Variants in TMCO5A observed in about 807,000 individuals in gnomAD.
The protein encoded by TMCO5A is transmembrane and coiled-coil domain-containing protein 5A.
Under a neutral mutation model 42.3 loss-of-function variants are expected in TMCO5A, and 34 were observed. The ratio of observed to expected loss-of-function variants is 0.80; its 90% CI spans 0.61 to 1.07. TMCO5A has a LOEUF of 1.07. Ranked by LOEUF, TMCO5A falls within the 50% of genes least tolerant of loss-of-function variation. TMCO5A has a pLI of 0.00. For missense variants in TMCO5A, 357 were observed against 327.9 expected (o/e 1.09, Z -0.69); for synonymous variants, 131 against 115.6 (o/e 1.13, Z -0.86).
the TMCO5A span, among the ~76,000 whole-genome samples, chr15:37,973,332 G>T: frequency 6.6e-6 from 1 of 151,986 alleles, no homozygotes; most frequent in Admixed American, 6.6e-5. Context: ...TGTGAAGAAT[G>T]CCATTGACAG....
At chr15:37,968,469 C>G (rs953558627), downstream of TMCO5A, among the ~76,000 whole-genome samples, 2 of 152,072 alleles carry the variant, frequency 1.3e-5, no homozygotes, top group Non-Finnish European at 2.9e-5. Flanking sequence ...AGAAGAGAAA[C>G]AGTTCACTAA....
At chr15:37,971,390 C>G (rs1418015637), downstream of TMCO5A, among the ~76,000 whole-genome samples, 1 of 152,154 alleles carries the variant, frequency 6.6e-6, no homozygotes, top group East Asian at 1.9e-4. Context: ...CTGGGCCCAG[C>G]CCACAAAGCA....
chr15:37,995,941 G>C, the TMCO5A span, among the ~76,000 whole-genome samples: 2 of 151,942 alleles, frequency 1.3e-5, no homozygotes, highest in Admixed American at 6.6e-5. Context: ...CTTGCAAGAA[G>C]AATGAAAACA....
the TMCO5A span, among the ~76,000 whole-genome samples, chr15:38,028,515 T>A: frequency 6.6e-6 from 1 of 152,206 alleles, no homozygotes; most frequent in African/African-American, 2.4e-5. Context: ...CATTCAATCA[T>A]TCTCAGCAAA....
chr15:38,030,305 CAAG>C, the TMCO5A span, among the ~76,000 whole-genome samples: 1 of 152,172 alleles, frequency 6.6e-6, no homozygotes, highest in Admixed American at 6.6e-5. Flanking sequence ...ATCCAGAACT[CAAG>C]AAGATTAAGC....
At chr15:38,002,207 G>GTT in the TMCO5A span, among the ~76,000 whole-genome samples, 1 of 141,268 alleles carries the variant, frequency 7.1e-6, no homozygotes, top group African/African-American at 3.0e-5. Flanking sequence ...TAGGATAAAA[G>GTT]GTTTTTTTTT....
At chr15:37,938,750 G>A (rs187716570) in intron 6 of TMCO5A, among the ~76,000 whole-genome samples, 70 of 152,078 alleles carry the variant, frequency 4.6e-4, no homozygotes, top group African/African-American at 1.6e-3. Context: ...ACCCTGTCCT[G>A]GATTCCAATC....
At chr15:38,028,410 A>T in the TMCO5A span, among the ~76,000 whole-genome samples, 44 of 152,346 alleles carry the variant, frequency 2.9e-4, no homozygotes, top group African/African-American at 1.0e-3. Context: ...TACTAGCTCC[A>T]CATTAATTCA....
Position 37,938,189 on chromosome 15 carries a change from G to A in TMCO5A, c.347G>A (p.Cys116Tyr), listed in dbSNP as rs1432927054. ...AGGAAATCACAAAAGATAACCAATTGTGAACAAAGCAGTCCAGATGGAGCC... is the reference window on the plus strand; with the variant it reads ...AGGAAATCACAAAAGATAACCAATTATGAACAAAGCAGTCCAGATGGAGCC... ...LTRKSQKITNCEQSSPDGALE... is the reference protein window; with the variant it reads ...LTRKSQKITNYEQSSPDGALE... Residue 116 changes from cysteine to tyrosine, a missense_variant, in exon 6 of 12, where the codon TGT becomes TAT. Physicochemically the swap from Cys to Tyr is radical, Grantham distance 194. Transcript: ENST00000319669. 1.3e-6 allele frequency: 2 copies of A among 1,582,762 alleles called. No individual in the cohort carries two copies. Among genetic ancestry groups the A allele is most frequent in the Non-Finnish European group, 1.7e-6 (2 of 1,163,190 alleles).
chr15:37,936,178 T>A (rs890231418), intron 2 of TMCO5A, 136 bp from the exon 3 acceptor site: 21 of 999,982 alleles, frequency 2.1e-5, no homozygotes, highest in Non-Finnish European at 2.2e-5. Flanking sequence ...AATGTAATTT[T>A]TCAAGAATGA....
chr15:37,937,903 C>A (rs952974282), intron 5 of TMCO5A, among the ~76,000 whole-genome samples: 5 of 152,052 alleles, frequency 3.3e-5, no homozygotes, highest in Admixed American at 6.6e-5. Flanking sequence ...GGGGCTGTAT[C>A]CTTGAGTAAC....
the TMCO5A span, among the ~76,000 whole-genome samples, chr15:37,989,684 C>A: frequency 6.6e-6 from 1 of 152,136 alleles, no homozygotes; most frequent in South Asian, 2.1e-4. Context: ...GCTGCTATAA[C>A]AGAATACCAC....
At chr15:37,937,665 A>T (rs1889568984) in intron 5 of TMCO5A, among the ~76,000 whole-genome samples, 4 of 152,164 alleles carry the variant, frequency 2.6e-5, no homozygotes, top group Admixed American at 2.6e-4. Flanking sequence ...ATGGATTCCA[A>T]CAGATACTCT....
chr15:37,959,642 C>A lies in TMCO5A; in HGVS notation c.669-6983C>A, dbSNP rs1370977338. Among the ~76,000 whole-genome samples, 3 of 152,000 alleles carry A rather than the reference C, an allele frequency of 2.0e-5. No individual in the cohort carries two copies. In the East Asian group the frequency reaches 5.8e-4, roughly 29 times the overall value. ...CAATTGATATAATTCAACAATGCTT[C>A]ATGATAAAAGCCCTCAAAGAACTGG... On this transcript the variant is annotated intron_variant, in intron 11 of 11. Transcript: ENST00000559502.
At chr15:37,936,771 A>G in intron 3 of TMCO5A, 76 bp from the exon 4 acceptor site, 4 of 1,583,904 alleles carry the variant, frequency 2.5e-6, no homozygotes, top group Non-Finnish European at 2.6e-6. Flanking sequence ...AAGTTCCCTT[A>G]TATCTGAAAT....
At chr15:38,001,804 C>G in the TMCO5A span, among the ~76,000 whole-genome samples, 2 of 152,040 alleles carry the variant, frequency 1.3e-5, no homozygotes, top group Non-Finnish European at 1.5e-5. Flanking sequence ...AATACAAACT[C>G]TACACTTTAA....
the TMCO5A span, among the ~76,000 whole-genome samples, chr15:38,002,793 A>G: frequency 6.6e-6 from 1 of 152,052 alleles, no homozygotes; most frequent in African/African-American, 2.4e-5. Flanking sequence ...GACTCCTCAA[A>G]ACAGCTATTT....
At chr15:38,014,021 T>C in the TMCO5A span, among the ~76,000 whole-genome samples, 1 of 152,178 alleles carries the variant, frequency 6.6e-6, no homozygotes, top group Non-Finnish European at 1.5e-5. Flanking sequence ...GACCCCTGCT[T>C]CTGTCCTCAC....
At chr15:37,994,739 T>C in the TMCO5A span, 2 of 152,200 alleles carry the variant, frequency 1.3e-5, no homozygotes, top group Non-Finnish European at 2.9e-5. Context: ...AGGAGGTCTT[T>C]CAATCTGAAA....
Sources: allele counts gnomAD v4.1 joint callset (sites outside exome capture counted in the v4.1 genomes callset), GRCh38; gene constraint gnomAD v4.1.1; transcripts MANE v1.5; gene names NCBI Gene and HGNC (gene_info 2026-07-23, HGNC 2026-07-21).